CTF1: variants seen among roughly 807,000 people sequenced by gnomAD.
The protein encoded by CTF1 is cardiotrophin-1.
A neutral mutation model predicts 10.9 loss-of-function variants in CTF1; 9 were observed. The observed-to-expected ratio is 0.83, with a 90% CI of 0.50 to 1.44. The LOEUF is 1.44. Ranked by LOEUF, CTF1 falls within the 40% of genes most tolerant of loss-of-function variation. CTF1 has a pLI of 0.00. For missense variants in CTF1, 259 were observed against 275.3 expected (o/e 0.94, Z 0.42); for synonymous variants, 133 against 138.8 (o/e 0.96, Z 0.29).
Position 30,902,999 on chromosome 16 carries a change from T to G in CTF1, c.*460T>G, listed in dbSNP as rs2055420779. ...CCTCTCTTTGCTTTGCCTGCCCCGT[T>G]CTCTTAACTCTTGGACCCTCCTCGT... is the stretch of plus-strand genomic sequence containing the variant. On this transcript the variant is annotated 3_prime_UTR_variant, in exon 3 of 3. Coordinates refer to ENST00000279804, the MANE Select transcript of CTF1 (RefSeq NM_001330.5). The G allele has an allele frequency of 6.5e-6, 1 of 154,332 alleles. No homozygotes were observed. Among genetic ancestry groups the G allele is most frequent in the South Asian group, 1.8e-4 (1 of 5,536 alleles). 9.6% of individuals were successfully genotyped at this position (154,332 alleles called of 1,614,324 possible). A position where few individuals can be genotyped will look rare whatever the true frequency, so the allele number is the denominator to read the frequency against.
intron 1 of CTF1, among the ~76,000 whole-genome samples, chr16:30,897,434 AG>A (rs1335194543): frequency 1.8e-4 from 28 of 152,314 alleles, no homozygotes. Context: ...CTGTCTTCAA[AG>A]GGCTCTCAGG....
At chr16:30,902,042 CG>C (rs1179886504) in intron 2 of CTF1, 35 bp from the exon 3 acceptor site, 2 of 1,429,426 alleles carry the variant, frequency 1.4e-6, no homozygotes, top group Admixed American at 2.4e-5. Context: ...GCCCGTGCTC[CG>C]GGGCCCCGCT....
chr16:30,898,028 T>A (rs2143228403), intron 1 of CTF1, among the ~76,000 whole-genome samples: 1 of 151,590 alleles, frequency 6.6e-6, no homozygotes, highest in South Asian at 2.1e-4. Context: ...CTAATTTTTT[T>A]TTTTTTGTAT....
At chr16:30,901,744 T>TA in intron 2 of CTF1, among the ~76,000 whole-genome samples, 1 of 9,138 alleles carries the variant, frequency 1.1e-4, no homozygotes, top group Non-Finnish European at 3.0e-4. Context: ...ACACTCGCTA[T>TA]TTTTTTTTTT....
chr16:30,899,525 C>T lies in CTF1; in HGVS notation c.136C>T (p.Gln46Ter). The T allele has an allele frequency of 1.3e-6, 2 of 1,559,580 alleles. No homozygotes were observed. Among genetic ancestry groups the T allele is most frequent in the Non-Finnish European group, 1.8e-6 (2 of 1,140,922 alleles). Residue 46 changes from glutamine (Q) to a stop codon, truncating the protein, a stop_gained, in exon 2 of 3, where the codon CAG becomes TAG. Transcript: ENST00000279804. LOFTEE classifies it high-confidence loss of function. ...CACCAAATACGCTGAGCAGCTGCTC[C>T]AGGAATATGTGAGTGGGAATGGGGG... Reference protein sequence around the residue: ...LLTKYAEQLLQEYVQLQGDPF... With the variant: ...LLTKYAEQLL
At chr16:30,901,712 G>A (rs2055401309) in intron 2 of CTF1, among the ~76,000 whole-genome samples, 2 of 150,190 alleles carry the variant, frequency 1.3e-5, no homozygotes, top group South Asian at 4.3e-4. Flanking sequence ...CGGAACAGCT[G>A]GAACTACAGA....
rs1032357219 is a variant in CTF1 at position 30,902,717 on chromosome 16, C to G, written c.*178C>G. ...GGGGACGGGCAGGGTCTCTGTCGCCCAGGCTGGGGTGCAGTGGCGCGATCC... is the reference window on the plus strand; with the variant it reads ...GGGGACGGGCAGGGTCTCTGTCGCCGAGGCTGGGGTGCAGTGGCGCGATCC... On this transcript the variant is annotated 3_prime_UTR_variant, in exon 3 of 3. Coordinates refer to ENST00000279804, the MANE Select transcript of CTF1 (RefSeq NM_001330.5). 93 of 1,011,430 alleles carry G rather than the reference C, an allele frequency of 9.2e-5. No individual in the cohort carries two copies. The highest frequency in any genetic ancestry group is 1.2e-4 in the Non-Finnish European group (89 of 767,358). 62.7% of individuals were successfully genotyped at this position (1,011,430 alleles called of 1,614,324 possible). A position where few individuals can be genotyped will look rare whatever the true frequency, so the allele number is the denominator to read the frequency against.
At chr16:30,898,939 A>G (rs909031871) in intron 1 of CTF1, among the ~76,000 whole-genome samples, 2 of 152,186 alleles carry the variant, frequency 1.3e-5, no homozygotes, top group African/African-American at 4.8e-5. Flanking sequence ...GATTACAGAC[A>G]TCAGCAATCT....
rs2055416684 is a variant in CTF1 at position 30,902,670 on chromosome 16, G to C, written c.*131G>C. ...TGTCTCCATTGCCTCGGCCTTCTTT[G>C]CTTTTTGTGGGGGAGAGGGGAGGGG... On this transcript the variant is annotated 3_prime_UTR_variant, in exon 3 of 3. Coordinates refer to ENST00000279804, the MANE Select transcript of CTF1 (RefSeq NM_001330.5). The C allele has an allele frequency of 3.1e-6, 4 of 1,284,516 alleles. No individual in the cohort carries two copies. The highest frequency in any genetic ancestry group is 3.8e-5 in the Admixed American group (1 of 26,000). The allele number at this position is 1,284,516 out of a possible 1,614,324, so 79.6% of individuals were successfully genotyped here.
In CTF1 at chr16:30,902,789, C is replaced by T. The variant is rs367908794; in HGVS notation, c.*250C>T. The T allele has an allele frequency of 2.9e-5, 11 of 374,908 alleles. No homozygotes were observed. The highest frequency in any genetic ancestry group is 1.9e-4 in the African/African-American group (9 of 47,348). The allele number at this position is 374,908 out of a possible 1,614,324, so 23.2% of individuals were successfully genotyped here. A position where few individuals can be genotyped will look rare whatever the true frequency, so the allele number is the denominator to read the frequency against. On this transcript the variant is annotated 3_prime_UTR_variant, in exon 3 of 3. Transcript: ENST00000279804. ...CTGGGCTCAAGCCATCCTTCCGCCT[C>T]AGCTTCCCCAGCAGCTGGGACTACA...
In CTF1 at chr16:30,899,545, T is replaced by TTG; in HGVS notation, c.144+12_144+13insTG. On this transcript the variant is annotated intron_variant, in intron 2 of 2. Transcript: ENST00000279804. ...TGCTCCAGGAATATGTGAGTGGGAA[T>TTG]GGGGGTGGGGGTGCCGGGGGCCTGG... The TTG allele has an allele frequency of 1.3e-5, 6 of 452,982 alleles. No homozygotes were observed. The highest frequency in any genetic ancestry group is 9.1e-5 in the East Asian group (2 of 21,914). The allele number at this position is 452,982 out of a possible 1,614,324, so 28.1% of individuals were successfully genotyped here.
chr16:30,899,372 G>A (rs767690240), intron 1 of CTF1, 43 bp from the exon 2 acceptor site: 3 of 1,179,454 alleles, frequency 2.5e-6, no homozygotes, highest in Admixed American at 3.4e-5. Context: ...TGATCAATGA[G>A]CAGGAGGTTG....
upstream of CTF1, among the ~76,000 whole-genome samples, chr16:30,896,051 T>C (rs2055344966): frequency 8.8e-6 from 1 of 113,570 alleles, no homozygotes; most frequent in Non-Finnish European, 1.7e-5. Flanking sequence ...TAGCTTGTTC[T>C]CCTGGGGGTG....
chr16:30,899,474 C>G lies in CTF1; in HGVS notation c.85C>G (p.Gln29Glu). The G allele has an allele frequency of 6.2e-7, 1 of 1,612,864 alleles. No individual in the cohort carries two copies. The highest frequency in any genetic ancestry group is 1.7e-5 in the Admixed American group (1 of 59,884). ...LLPHLEAKIR[Q>E]THSLAHLLTK... ...TCCCCACTTGGAGGCCAAGATCCGT[C>G]AGACACACAGCCTTGCGCACCTCCT... Residue 29 changes from glutamine (Q) to glutamate (E), a missense_variant, in exon 2 of 3, where the codon CAG becomes GAG. Gln to Glu is a conservative substitution (Grantham distance 29). Coordinates refer to ENST00000279804, the MANE Select transcript of CTF1 (RefSeq NM_001330.5).
At chr16:30,896,598 C>G (rs771659895), upstream of CTF1, 66 of 1,253,806 alleles carry the variant, frequency 5.3e-5, no homozygotes, top group Non-Finnish European at 6.0e-5. Flanking sequence ...TTTCTCCCCC[C>G]TCGAAAGGGG....
chr16:30,896,651 G>A lies in CTF1; in HGVS notation c.8G>A (p.Arg3Gln), dbSNP rs368815066. 11 of 1,252,720 alleles carry A rather than the reference G, an allele frequency of 8.8e-6. No individual in the cohort carries two copies. In the African/African-American group the frequency reaches 1.7e-4, roughly 19 times the overall value. The allele number at this position is 1,252,720 out of a possible 1,614,324, so 77.6% of individuals were successfully genotyped here. MS[R>Q]REGSLEDPQT... ...GATCAGCCAGGGGCCAGCATGAGCCGGAGGGAGGGAAGTCTGGGTAAGGGG... is the reference window on the plus strand; with the variant it reads ...GATCAGCCAGGGGCCAGCATGAGCCAGAGGGAGGGAAGTCTGGGTAAGGGG... Residue 3 changes from arginine to glutamine, a missense_variant, in exon 1 of 3, where the codon CGG becomes CAG. Arg to Gln is a conservative substitution (Grantham distance 43). Transcript: ENST00000279804.
Position 30,902,495 on chromosome 16 carries a change from A to T in CTF1, c.562A>T (p.Thr188Ser). The T allele has an allele frequency of 4.0e-6, 6 of 1,488,712 alleles. No individual in the cohort carries two copies. The highest frequency in any genetic ancestry group is 5.3e-6 in the Non-Finnish European group (6 of 1,123,700). The allele number at this position is 1,488,712 out of a possible 1,614,324, so 92.2% of individuals were successfully genotyped here. Residue 188 changes from threonine (T) to serine (S), a missense_variant, in exon 3 of 3, where the codon ACC (threonine) becomes TCC (serine). Physicochemically the swap from Thr to Ser is moderately conservative, Grantham distance 58. Transcript: ENST00000279804. ...CCTCTACCGCGAGTGGCTGAGCCGCACCGAGGGCGACCTGGGCCAGCTGCT... is the reference window on the plus strand; with the variant it reads ...CCTCTACCGCGAGTGGCTGAGCCGCTCCGAGGGCGACCTGGGCCAGCTGCT... ...CGLYREWLSR[T>S]EGDLGQLLPG... is the part of the protein sequence containing the mutation.
At position 30,902,089 on chromosome 16, in the gene CTF1, G is replaced by A. The variant is rs1040263341; in HGVS notation, c.156G>A (p.Gln52=). 1 of 1,442,294 alleles carries A rather than the reference G, an allele frequency of 6.9e-7. No individual in the cohort carries two copies. The highest frequency in any genetic ancestry group is 2.4e-5 in the Admixed American group (1 of 42,238). 89.3% of individuals were successfully genotyped at this position (1,442,294 alleles called of 1,614,324 possible). A position where few individuals can be genotyped will look rare whatever the true frequency, so the allele number is the denominator to read the frequency against. The part of the protein sequence containing the change: ...EQLLQEYVQL[Q]GDPFGLPSFS... Reference sequence around the variant, plus strand: ...CCGTGTCTCCGCAGGTGCAGCTCCAGGGAGACCCCTTCGGGCTGCCCAGCT... The same window carrying A: ...CCGTGTCTCCGCAGGTGCAGCTCCAAGGAGACCCCTTCGGGCTGCCCAGCT... Residue 52 remains glutamine, a synonymous_variant, in exon 3 of 3, where the codon CAG becomes CAA. Coordinates refer to ENST00000279804, the MANE Select transcript of CTF1 (RefSeq NM_001330.5).
rs1179040083 is a variant in CTF1 at position 30,902,515 on chromosome 16, G to A, written c.582G>A (p.Gln194=). 4 of 1,495,132 alleles carry A rather than the reference G, an allele frequency of 2.7e-6. No individual in the cohort carries two copies. Among genetic ancestry groups the A allele is most frequent in the African/African-American group, 2.9e-5 (2 of 69,166 alleles). 92.6% of individuals were successfully genotyped at this position (1,495,132 alleles called of 1,614,324 possible). ...GCCGCACCGAGGGCGACCTGGGCCA[G>A]CTGCTGCCCGGGGGCTCGGCCTGAG... ...WLSRTEGDLG[Q]LLPGGSA Residue 194 remains glutamine, a synonymous_variant, in exon 3 of 3, where the codon CAG becomes CAA. Transcript: ENST00000279804.
Sources: allele counts gnomAD v4.1 joint callset (sites outside exome capture counted in the v4.1 genomes callset), GRCh38; gene constraint gnomAD v4.1.1; transcripts MANE v1.5; gene names NCBI Gene and HGNC (gene_info 2026-07-23, HGNC 2026-07-21).